TNFSF4: variants seen among roughly 807,000 people sequenced by gnomAD.
TNFSF4 encodes tumor necrosis factor ligand superfamily member 4.
In TNFSF4, 4 loss-of-function variants were observed where a neutral mutation model predicts 7.3. The ratio of observed to expected loss-of-function variants is 0.55; its 90% CI spans 0.27 to 1.25. The LOEUF (loss-of-function observed/expected upper bound fraction) is 1.25, where lower values mean the gene tolerates loss of function less well. Ranked by LOEUF, TNFSF4 falls within the 50% of genes most tolerant of loss-of-function variation. The pLI is 0.12. For synonymous variants in TNFSF4, 76 were observed against 83.7 expected, an observed-to-expected ratio of 0.91 and a Z score of 0.50; for missense variants, 181 against 208.8, an observed-to-expected ratio of 0.87 and a Z score of 0.82.
At position 173,189,023 on chromosome 1, in the gene TNFSF4, C is replaced by T. The variant is rs571783289; in HGVS notation, c.154-454G>A. ...TACAGGCATGAGTCGCCATGCCCGG[C>T]CCTGACTTTTTCTATGAAGATTGGA... On this transcript the variant is annotated intron_variant, in intron 1 of 2. Transcript: ENST00000281834. Among the ~76,000 whole-genome samples, 12 of 152,276 alleles carry T rather than the reference C, an allele frequency of 7.9e-5. No homozygotes were observed. In the South Asian group the frequency reaches 2.3e-3, roughly 29 times the overall value.
At chr1:173,297,113 AG>A in the TNFSF4 span, among the ~76,000 whole-genome samples, 1 of 151,986 alleles carries the variant, frequency 6.6e-6, no homozygotes, top group African/African-American at 2.4e-5. Flanking sequence ...CTAGTGGGAG[AG>A]AAAGATACAG....
the TNFSF4 span, chr1:173,363,041 C>T: frequency 1.3e-5 from 5 of 373,496 alleles, no homozygotes; most frequent in Non-Finnish European, 2.7e-5. Flanking sequence ...CTATTTGTTT[C>T]TAGACCAGTC....
At chr1:173,383,728 G>A in the TNFSF4 span, among the ~76,000 whole-genome samples, 1 of 151,908 alleles carries the variant, frequency 6.6e-6, no homozygotes, top group Non-Finnish European at 1.5e-5. Flanking sequence ...ATTCTTCAAA[G>A]GGGCAACTTA....
the TNFSF4 span, among the ~76,000 whole-genome samples, chr1:173,334,208 C>T: frequency 6.6e-6 from 1 of 152,134 alleles, no homozygotes; most frequent in African/African-American, 2.4e-5. Context: ...TTTAAAGATG[C>T]TAGTGTCTAT....
the TNFSF4 span, among the ~76,000 whole-genome samples, chr1:173,424,663 G>C: frequency 6.6e-6 from 1 of 152,206 alleles, no homozygotes; most frequent in Non-Finnish European, 1.5e-5. Flanking sequence ...AGGTGGAAAA[G>C]TTCCAGGTCC....
chr1:173,256,585 G>A, the TNFSF4 span, among the ~76,000 whole-genome samples: 1 of 152,222 alleles, frequency 6.6e-6, no homozygotes, highest in Non-Finnish European at 1.5e-5. Flanking sequence ...AACAATGGTA[G>A]AAGAGAGACA....
the TNFSF4 span, among the ~76,000 whole-genome samples, chr1:173,299,472 C>T: frequency 1.1e-4 from 17 of 151,984 alleles, no homozygotes; most frequent in East Asian, 3.3e-3. Context: ...TTGCATTTCA[C>T]TTCTTCCCTC....
the TNFSF4 span, among the ~76,000 whole-genome samples, chr1:173,327,369 C>T: frequency 6.6e-6 from 1 of 152,102 alleles, no homozygotes; most frequent in African/African-American, 2.4e-5. Context: ...GGATTAAAGA[C>T]TTAAATGTTA....
At chr1:173,417,419 A>T in the TNFSF4 span, among the ~76,000 whole-genome samples, 2 of 152,394 alleles carry the variant, frequency 1.3e-5, no homozygotes, top group Admixed American at 1.3e-4. Context: ...AGCAGGTTAA[A>T]TATTGTTAAC....
At chr1:173,179,493 G>A (rs1014851221), downstream of TNFSF4, among the ~76,000 whole-genome samples, 4 of 152,080 alleles carry the variant, frequency 2.6e-5, no homozygotes, top group African/African-American at 4.8e-5. Flanking sequence ...ACCCCTTGTC[G>A]ACTTGACATC....
the TNFSF4 span, among the ~76,000 whole-genome samples, chr1:173,277,620 G>A: frequency 1.3e-5 from 2 of 152,120 alleles, no homozygotes; most frequent in African/African-American, 2.4e-5. Context: ...TAGTACAAAG[G>A]TGGATTTGTC....
At chr1:173,377,822 G>A in the TNFSF4 span, among the ~76,000 whole-genome samples, 1 of 152,092 alleles carries the variant, frequency 6.6e-6, no homozygotes, top group Non-Finnish European at 1.5e-5. Context: ...CCTCAGAAAT[G>A]GTATCTTTCC....
the TNFSF4 span, among the ~76,000 whole-genome samples, chr1:173,241,998 C>T: frequency 2.3e-4 from 35 of 152,198 alleles, no homozygotes; most frequent in Middle Eastern, 3.4e-3. Context: ...CTGCAAGTCT[C>T]GAAGATGTCA....
At chr1:173,393,560 C>A in the TNFSF4 span, among the ~76,000 whole-genome samples, 1 of 152,222 alleles carries the variant, frequency 6.6e-6, no homozygotes, top group African/African-American at 2.4e-5. Context: ...TGGGAGCTCA[C>A]AGCTGGCACC....
chr1:173,450,254 T>C, the TNFSF4 span, among the ~76,000 whole-genome samples: 2 of 152,176 alleles, frequency 1.3e-5, no homozygotes, highest in African/African-American at 4.8e-5. Flanking sequence ...ATTTATTTCA[T>C]ATATATGTAT....
chr1:173,306,407 T>C, the TNFSF4 span, among the ~76,000 whole-genome samples: 1 of 151,938 alleles, frequency 6.6e-6, no homozygotes, highest in Admixed American at 6.6e-5. Context: ...CCCTGGCAGA[T>C]ACTTTGGGGC....
chr1:173,327,661 AAAAC>A, the TNFSF4 span, among the ~76,000 whole-genome samples: 1 of 152,072 alleles, frequency 6.6e-6, no homozygotes, highest in Non-Finnish European at 1.5e-5. Context: ...TTACAAGAAA[AAAAC>A]AAACAACCCC....
chr1:173,428,517 CTG>C, the TNFSF4 span, among the ~76,000 whole-genome samples: 4 of 152,096 alleles, frequency 2.6e-5, no homozygotes, highest in Middle Eastern at 3.2e-3. Flanking sequence ...ATATGTGCAG[CTG>C]ATTTTTATCT....
At chr1:173,391,457 A>ACC in the TNFSF4 span, among the ~76,000 whole-genome samples, 3 of 131,018 alleles carry the variant, frequency 2.3e-5, no homozygotes, top group Admixed American at 2.4e-4. Context: ...AAAAAAAAAA[A>ACC]AAAAAAAAAG....
Sources: allele counts gnomAD v4.1 joint callset (sites outside exome capture counted in the v4.1 genomes callset), GRCh38; gene constraint gnomAD v4.1.1; transcripts MANE v1.5; gene names NCBI Gene and HGNC (gene_info 2026-07-23, HGNC 2026-07-21).